The following MTF2 variants were observed in gnomAD, a reference collection of about 807,000 sequenced individuals.
MTF2 encodes metal-response element-binding transcription factor 2.
Under a neutral mutation model 79.5 loss-of-function variants are expected in MTF2, and 11 were observed. That is an observed-to-expected ratio of 0.14 (90% CI 0.09 to 0.23). MTF2 has a LOEUF of 0.23. Among genes scored for constraint, MTF2 ranks in the 10% least tolerant of loss-of-function variants. The probability of loss-of-function intolerance (pLI) is 1.00; values close to 1 mark genes in which losing one functional copy is unlikely to be tolerated. For synonymous variants in MTF2, 208 were observed against 232.8 expected, an observed-to-expected ratio of 0.89 and a Z score of 0.97; for missense variants, 486 against 711.2, an observed-to-expected ratio of 0.68 and a Z score of 3.60.
chr1:93,110,256 T>C lies in MTF2; in HGVS notation c.32T>C (p.Leu11Pro). 6.2e-7 allele frequency: 1 copy of C among 1,614,186 alleles called. No homozygotes were observed. Among genetic ancestry groups the C allele is most frequent in the Non-Finnish European group, 8.5e-7 (1 of 1,180,032 alleles). The change falls in exon 2 of 15, where the codon CTG becomes CCG. Residue 11 changes from leucine (L) to proline (P), a missense_variant. Leu to Pro is a moderately conservative substitution (Grantham distance 98). Around this residue, in one of 4 missense-constraint regions of MTF2, gnomAD observed 75 missense variants for 83.8 expected, o/e 0.89. Transcript: ENST00000370298. MRDSTGAGNSLVHKRSPLRRN... is the reference protein window; with the variant it reads MRDSTGAGNSPVHKRSPLRRN... ...GACTCTACAGGGGCAGGTAATTCACTGGTCCACAAGCGGTCTCCTTTACGT... is the reference window on the plus strand; with the variant it reads ...GACTCTACAGGGGCAGGTAATTCACCGGTCCACAAGCGGTCTCCTTTACGT...
chr1:93,094,606 C>T (rs983532469), intron 1 of MTF2, among the ~76,000 whole-genome samples: 14 of 151,750 alleles, frequency 9.2e-5, no homozygotes, highest in African/African-American at 3.4e-4. Context: ...CTGTTGCATC[C>T]CCACTGTGTA....
In MTF2 at chr1:93,137,102, C is replaced by T; in HGVS notation, c.*75C>T. On this transcript the variant is annotated 3_prime_UTR_variant, in exon 15 of 15. Transcript: ENST00000370298. ...AGTTCAAAGCCCTAAAGGAGTCTGG[C>T]TTTTACTATCTTTCTTAAAAAAAAA... 1 of 1,178,468 alleles carries T rather than the reference C, an allele frequency of 8.5e-7. No individual in the cohort carries two copies. Among genetic ancestry groups the T allele is most frequent in the Non-Finnish European group, 1.2e-6 (1 of 853,508 alleles). The allele number at this position is 1,178,468 out of a possible 1,614,324, so 73.0% of individuals were successfully genotyped here.
chr1:93,122,919 C>G (rs1656537564), intron 9 of MTF2, among the ~76,000 whole-genome samples: 1 of 151,988 alleles, frequency 6.6e-6, no homozygotes, highest in Admixed American at 6.6e-5. Flanking sequence ...ATTTAGATTA[C>G]TTTCAAATGT....
chr1:93,134,438 A>G (rs191554634), intron 14 of MTF2: 38 of 444,834 alleles, frequency 8.5e-5, no homozygotes, highest in African/African-American at 7.4e-4. Context: ...ACACAGAGAA[A>G]AAGTATACCA....
chr1:93,127,111 T>TCC, intron 9 of MTF2, 121 bp from the exon 10 acceptor site: 1 of 662,926 alleles, frequency 1.5e-6, no homozygotes, highest in Non-Finnish European at 2.7e-6. Flanking sequence ...AATTAGAACT[T>TCC]AGATCTTCTG....
chr1:93,132,987 T>A lies in MTF2; in HGVS notation c.1161-716T>A, dbSNP rs947162130. The stretch of plus-strand genomic sequence containing the variant: ...ATAGATATTCTTTCTATATATATAT[T>A]TTCTTTTTTTCTATAATTAGTGTCT... On this transcript the variant is annotated intron_variant, in intron 11 of 14. Coordinates refer to ENST00000370298, the MANE Select transcript of MTF2 (RefSeq NM_007358.4). Among the ~76,000 whole-genome samples, 36 of 152,180 alleles carry A rather than the reference T, an allele frequency of 2.4e-4. 1 individual carries two copies. Among genetic ancestry groups the A allele is most frequent in the Admixed American group, 1.4e-3 (21 of 15,304 alleles).
At chr1:93,104,423 G>C (rs1201171729) in intron 1 of MTF2, among the ~76,000 whole-genome samples, 1 of 152,000 alleles carries the variant, frequency 6.6e-6, no homozygotes, top group Non-Finnish European at 1.5e-5. Flanking sequence ...GCTCAGGCCT[G>C]TAATCCCAGC....
chr1:93,079,482 T>C lies in MTF2; in HGVS notation c.-45T>C, dbSNP rs1654502925. 6.2e-7 allele frequency: 1 copy of C among 1,613,516 alleles called. No individual in the cohort carries two copies. The highest frequency in any genetic ancestry group is 1.7e-5 in the Admixed American group (1 of 59,998). On this transcript the variant is annotated 5_prime_UTR_variant, in exon 1 of 15. Coordinates refer to ENST00000370298, the MANE Select transcript of MTF2 (RefSeq NM_007358.4). Reference sequence around the variant, plus strand: ...GGAAGCGCCCACGGGGACGGATTGGTTGTTTTTTCCTGTATGAAGCGGTTG... The same window carrying C: ...GGAAGCGCCCACGGGGACGGATTGGCTGTTTTTTCCTGTATGAAGCGGTTG...
chr1:93,123,095 T>C (rs956474633), intron 9 of MTF2, among the ~76,000 whole-genome samples: 2 of 152,012 alleles, frequency 1.3e-5, no homozygotes, highest in Non-Finnish European at 2.9e-5. Context: ...CCAAATCTTA[T>C]AAAATGCCAT....
chr1:93,134,722 C>T (rs1333387137), intron 14 of MTF2, among the ~76,000 whole-genome samples: 1 of 151,538 alleles, frequency 6.6e-6, no homozygotes, highest in African/African-American at 2.4e-5. Context: ...GATGGTTTTG[C>T]TAATTTGCCC....
At chr1:93,085,846 T>C (rs1042126892) in intron 1 of MTF2, among the ~76,000 whole-genome samples, 2 of 152,164 alleles carry the variant, frequency 1.3e-5, no homozygotes, top group African/African-American at 4.8e-5. Flanking sequence ...TGAGTATCTG[T>C]GGATTTTGGT....
intron 3 of MTF2, among the ~76,000 whole-genome samples, chr1:93,113,952 A>C (rs1387309915): frequency 6.6e-6 from 1 of 151,988 alleles, no homozygotes; most frequent in East Asian, 1.9e-4. Context: ...AGATGAGAAT[A>C]CTGGAAATGA....
intron 6 of MTF2, among the ~76,000 whole-genome samples, chr1:93,116,455 A>G (rs1426619898): frequency 6.7e-6 from 1 of 149,936 alleles, no homozygotes; most frequent in Non-Finnish European, 1.5e-5. Context: ...AAATTTAGAG[A>G]CTTGTGACTC....
At chr1:93,093,329 C>A (rs1192848545) in intron 1 of MTF2, among the ~76,000 whole-genome samples, 1 of 152,124 alleles carries the variant, frequency 6.6e-6, no homozygotes, top group Non-Finnish European at 1.5e-5. Flanking sequence ...AATCTTCATA[C>A]ATCTTCAGTT....
At chr1:93,116,501 A>ATTTTTTTT (rs34058324) in intron 6 of MTF2, among the ~76,000 whole-genome samples, 2 of 120,442 alleles carry the variant, frequency 1.7e-5, no homozygotes, top group African/African-American at 6.7e-5. Context: ...CCATTGTAAG[A>ATTTTTTTT]TTTTTTTTTT....
intron 1 of MTF2, among the ~76,000 whole-genome samples, chr1:93,097,172 C>T (rs752134341): frequency 7.2e-5 from 11 of 152,038 alleles, no homozygotes; most frequent in African/African-American, 1.9e-4. Context: ...TGGAGTCTTA[C>T]GGCATTGTAG....
intron 1 of MTF2, among the ~76,000 whole-genome samples, chr1:93,093,579 A>G (rs1268942047): frequency 6.6e-6 from 1 of 151,976 alleles, no homozygotes; most frequent in East Asian, 1.9e-4. Context: ...CCTGCCTTTT[A>G]TTTGGTTTAC....
intron 14 of MTF2, among the ~76,000 whole-genome samples, chr1:93,136,344 G>GATT (rs1394554036): frequency 6.6e-6 from 1 of 152,130 alleles, no homozygotes; most frequent in African/African-American, 2.4e-5. Context: ...TAAATGATGT[G>GATT]ATTATTGGCA....
rs754533215 is a variant in MTF2, at chr1:93,110,417, A to G, written c.193A>G (p.Thr65Ala). 3 of 1,614,064 alleles carry G rather than the reference A, an allele frequency of 1.9e-6. No individual in the cohort carries two copies. The highest frequency in any genetic ancestry group is 2.5e-6 in the Non-Finnish European group (3 of 1,180,002). The change falls in exon 2 of 15, where the codon ACT becomes GCT. Residue 65 changes from threonine to alanine, a missense_variant. Physicochemically the swap from Thr to Ala is moderately conservative, Grantham distance 58 (BLOSUM62 0). Around this residue, in one of 4 missense-constraint regions of MTF2, gnomAD observed 75 missense variants for 83.8 expected, o/e 0.89. Transcript: ENST00000370298. ...RWSDGLFYLGTIKKINILKQS... is the reference protein window; with the variant it reads ...RWSDGLFYLGAIKKINILKQS... ...GTCAGATGGCTTGTTTTATCTTGGCACTATCAAAAAGGCAAGTTACTTTAA... is the reference window on the plus strand; with the variant it reads ...GTCAGATGGCTTGTTTTATCTTGGCGCTATCAAAAAGGCAAGTTACTTTAA...
Sources: gnomAD v4.1 joint callset for allele counts (sites outside exome capture counted in the v4.1 genomes callset) on GRCh38, gnomAD v4.1.1 for gene constraint, gnomAD v4.1.1 regional missense constraint, MANE v1.5 for transcripts, NCBI Gene and HGNC (gene_info 2026-07-23, HGNC 2026-07-21) for gene names.